The following TAF4B variants were observed in gnomAD, a reference collection of about 807,000 sequenced individuals.
The protein encoded by TAF4B is TATA-box binding protein associated factor 4b.
Under a neutral mutation model 86.4 loss-of-function variants are expected in TAF4B, and 38 were observed. That is an observed-to-expected ratio of 0.44 (90% confidence interval 0.34 to 0.58). TAF4B has a LOEUF of 0.58. Ranked by LOEUF, TAF4B falls within the 20% of genes least tolerant of loss-of-function variation. The probability of loss-of-function intolerance (pLI) is 0.02; values close to 1 mark genes in which losing one functional copy is unlikely to be tolerated. For synonymous variants in TAF4B, 388 were observed against 391.2 expected, an observed-to-expected ratio of 0.99 and a Z score of 0.10; for missense variants, 988 against 1,027.6, an observed-to-expected ratio of 0.96 and a Z score of 0.53.
chr18:26,286,635 TACCTCATTTGCTTTG>T, intron 7 of TAF4B, 136 bp downstream of exon 7: 8 of 656,892 alleles, frequency 1.2e-5, no homozygotes, highest in Non-Finnish European at 1.9e-5. Context: ...TTTTTTTTTT[TACCTCATTTGCTTTG>T]TTTTCCTCTT....
chr18:26,360,834 A>C (rs554131264), intron 14 of TAF4B, among the ~76,000 whole-genome samples: 1 of 152,348 alleles, frequency 6.6e-6, no homozygotes, highest in South Asian at 2.1e-4. Context: ...AGTGTTATCT[A>C]ATAGAACTTT....
At chr18:26,311,563 G>C (rs1474580752) in intron 9 of TAF4B, among the ~76,000 whole-genome samples, 1 of 152,168 alleles carries the variant, frequency 6.6e-6, no homozygotes, top group African/African-American at 2.4e-5. Context: ...GGAGGTTGCA[G>C]TGAGCCGAGA....
chr18:26,346,924 GT>G, intron 13 of TAF4B, among the ~76,000 whole-genome samples: 1 of 66,944 alleles, frequency 1.5e-5, no homozygotes, highest in African/African-American at 4.4e-5. Context: ...TATATATATA[GT>G]TTTTTGTTGT....
At chr18:26,298,710 T>A (rs189607920) in intron 9 of TAF4B, among the ~76,000 whole-genome samples, 55 of 151,980 alleles carry the variant, frequency 3.6e-4, no homozygotes, top group Admixed American at 3.0e-3. Flanking sequence ...CTTTTTTTTT[T>A]ATTTCCCATT....
chr18:26,305,069 G>A (rs2056780377), intron 9 of TAF4B: 1 of 183,640 alleles, frequency 5.4e-6, no homozygotes, highest in Admixed American at 6.5e-5. Flanking sequence ...TTAAATTACA[G>A]TATAAAGTTT....
intron 9 of TAF4B, among the ~76,000 whole-genome samples, chr18:26,303,108 T>C (rs1328578814): frequency 1.3e-5 from 1 of 76,484 alleles, no homozygotes; most frequent in Non-Finnish European, 2.7e-5. Context: ...TCCACTTTCA[T>C]ACCCCCTCCA....
At chr18:26,295,919 C>T (rs1174111348) in intron 9 of TAF4B, among the ~76,000 whole-genome samples, 2 of 151,692 alleles carry the variant, frequency 1.3e-5, no homozygotes, top group Admixed American at 1.3e-4. Flanking sequence ...TATGTAGATT[C>T]TGGTCTTTTG....
intron 12 of TAF4B, among the ~76,000 whole-genome samples, chr18:26,332,915 C>G (rs1375953653): frequency 6.6e-6 from 1 of 152,040 alleles, no homozygotes; most frequent in Non-Finnish European, 1.5e-5. Flanking sequence ...CAGCCTTTCT[C>G]TTTCACCTTT....
chr18:26,361,454 T>C (rs968029365), intron 14 of TAF4B, among the ~76,000 whole-genome samples: 1 of 151,440 alleles, frequency 6.6e-6, no homozygotes, highest in Non-Finnish European at 1.5e-5. Context: ...TTTGAAATTA[T>C]GGAAAAACTG....
chr18:26,238,370 A>G (rs1254603266), intron 1 of TAF4B, among the ~76,000 whole-genome samples: 2 of 152,044 alleles, frequency 1.3e-5, no homozygotes, highest in South Asian at 2.1e-4. Context: ...AATAGGAAGG[A>G]TATAATTTCT....
intron 6 of TAF4B, among the ~76,000 whole-genome samples, chr18:26,284,048 C>T (rs991080909): frequency 2.0e-4 from 30 of 147,190 alleles, no homozygotes; most frequent in African/African-American, 6.4e-4. Flanking sequence ...AGTGAGACTC[C>T]GTCTCAAAAA....
chr18:26,291,173 A>G (rs545975417), intron 7 of TAF4B, among the ~76,000 whole-genome samples: 1 of 152,328 alleles, frequency 6.6e-6, no homozygotes, highest in African/African-American at 2.4e-5. Context: ...TGGCAAGACC[A>G]TGGCACATTT....
chr18:26,295,599 A>C (rs1035428476), intron 9 of TAF4B, among the ~76,000 whole-genome samples: 1 of 152,340 alleles, frequency 6.6e-6, no homozygotes, highest in South Asian at 2.1e-4. Context: ...CTTCCTGTGC[A>C]GTCCAGGTTC....
At chr18:26,230,877 C>G (rs2055654707) in intron 1 of TAF4B, among the ~76,000 whole-genome samples, 2 of 152,020 alleles carry the variant, frequency 1.3e-5, no homozygotes, top group Non-Finnish European at 2.9e-5. Context: ...AGGGCTGCAG[C>G]CCCTAAGGGA....
rs1567936388 is a variant in TAF4B at position 26,390,000 on chromosome 18, C to T, written c.2577C>T (p.Ala859=). ...AGTATTCTCGAGCTCTATACCTGGC[C>T]CTTCTGAAGTGACCACTCCACTCTT... is the stretch of plus-strand genomic sequence containing the variant. ...EMKYSRALYL[A]LLK is the part of the protein sequence containing the mutation. The change falls in exon 15 of 15, where the codon GCC becomes GCT. Residue 859 remains alanine (A), a synonymous_variant. Transcript: ENST00000269142. 1 of 1,613,592 alleles carries T rather than the reference C, an allele frequency of 6.2e-7. No individual in the cohort carries two copies. The highest frequency in any genetic ancestry group is 8.5e-7 in the Non-Finnish European group (1 of 1,179,842).
intron 9 of TAF4B, among the ~76,000 whole-genome samples, chr18:26,304,128 T>A (rs1016653901): frequency 1.3e-5 from 2 of 149,976 alleles, no homozygotes; most frequent in Non-Finnish European, 3.0e-5. Flanking sequence ...ATTATTTATA[T>A]AGACAATGTC....
chr18:26,241,203 C>A (rs1296717727), intron 1 of TAF4B, among the ~76,000 whole-genome samples: 1 of 152,162 alleles, frequency 6.6e-6, no homozygotes, highest in Non-Finnish European at 1.5e-5. Flanking sequence ...GGCTGTGAAT[C>A]CATCTGGTCC....
At chr18:26,288,840 T>C in intron 7 of TAF4B, among the ~76,000 whole-genome samples, 1 of 152,156 alleles carries the variant, frequency 6.6e-6, no homozygotes, top group East Asian at 1.9e-4. Context: ...TATAAATCAT[T>C]TCAATAAAGA....
intron 1 of TAF4B, among the ~76,000 whole-genome samples, chr18:26,261,652 A>T (rs1255643743): frequency 1.3e-5 from 2 of 152,200 alleles, no homozygotes; most frequent in Admixed American, 1.3e-4. Context: ...AACTTGTTCC[A>T]CAGTCTGATC....
Sources: allele counts gnomAD v4.1 joint callset (sites outside exome capture counted in the v4.1 genomes callset), GRCh38; gene constraint gnomAD v4.1.1; transcripts MANE v1.5; gene names NCBI Gene and HGNC (gene_info 2026-07-23, HGNC 2026-07-21).